The following SYT1 variants were observed in gnomAD, a reference collection of about 807,000 sequenced individuals.
The protein encoded by SYT1 is synaptotagmin 1.
SYT1 carries 8 observed loss-of-function variants against 44.8 expected under a neutral mutation model. That is an observed-to-expected ratio of 0.18 (90% confidence interval 0.10 to 0.32). The LOEUF (loss-of-function observed/expected upper bound fraction) is 0.32, where lower values mean the gene tolerates loss of function less well. Among genes scored for constraint, SYT1 ranks in the 10% least tolerant of loss-of-function variants. The pLI is 1.00. For missense variants in SYT1, 286 were observed against 509.3 expected, an observed-to-expected ratio of 0.56 and a Z score of 4.22; for synonymous variants, 154 against 188.8, an observed-to-expected ratio of 0.82 and a Z score of 1.51.
intron 3 of SYT1, among the ~76,000 whole-genome samples, chr12:79,074,505 T>G (rs1280205402): frequency 6.6e-6 from 1 of 152,186 alleles, no homozygotes; most frequent in African/African-American, 2.4e-5. Flanking sequence ...ATTAAGTCTT[T>G]TAAAAATCTA....
chr12:79,364,865 C>G (rs1186519572), intron 9 of SYT1, among the ~76,000 whole-genome samples: 1 of 152,126 alleles, frequency 6.6e-6, no homozygotes, highest in East Asian at 1.9e-4. Flanking sequence ...TGCAAGATTA[C>G]TCAGTAATCT....
chr12:79,147,740 T>C (rs1592791918), intron 3 of SYT1, among the ~76,000 whole-genome samples: 1 of 152,288 alleles, frequency 6.6e-6, no homozygotes, highest in East Asian at 1.9e-4. Context: ...AATGAGTTCA[T>C]AAAAGTCTGA....
chr12:79,050,164 T>C (rs1039453871), intron 3 of SYT1, among the ~76,000 whole-genome samples: 1 of 143,970 alleles, frequency 6.9e-6, no homozygotes, highest in Admixed American at 7.1e-5. Flanking sequence ...GTGTATTATA[T>C]ACTCTTCTTA....
At chr12:79,028,812 C>T (rs765957408) in intron 2 of SYT1, among the ~76,000 whole-genome samples, 19 of 151,182 alleles carry the variant, frequency 1.3e-4, no homozygotes, top group Non-Finnish European at 2.2e-4. Flanking sequence ...AATTTTATGC[C>T]GTTCCATAAG....
At chr12:79,161,813 T>G (rs1310581183) in intron 3 of SYT1, among the ~76,000 whole-genome samples, 1 of 152,084 alleles carries the variant, frequency 6.6e-6, no homozygotes, top group Non-Finnish European at 1.5e-5. Flanking sequence ...CCTTTAATTT[T>G]TATACATTGC....
chr12:79,164,799 A>G (rs1871143021), intron 3 of SYT1, among the ~76,000 whole-genome samples: 1 of 152,078 alleles, frequency 6.6e-6, no homozygotes, highest in Non-Finnish European at 1.5e-5. Context: ...CATTTAATAA[A>G]TAAGAAATGG....
chr12:78,974,705 G>A (rs1868688952), intron 1 of SYT1, among the ~76,000 whole-genome samples: 1 of 152,056 alleles, frequency 6.6e-6, no homozygotes, highest in Non-Finnish European at 1.5e-5. Flanking sequence ...CAAAGTGCTC[G>A]CATTACAGGC....
In SYT1 at chr12:79,273,660, C is replaced by A. The variant is rs139472439; in HGVS notation, c.167-12127C>A. On this transcript the variant is annotated intron_variant, in intron 4 of 10. Transcript: ENST00000261205. ...TGAGCAGCGAGGAGGATATGAGGAG[C>A]GGCATCAGGACACACTTTGCAGGCA... 4.6e-5 allele frequency among the ~76,000 whole-genome samples: 7 copies of A among 152,208 alleles called. 1 individual carries two copies. Among genetic ancestry groups the A allele is most frequent in the Middle Eastern group, 6.8e-3 (2 of 294 alleles).
Position 79,361,312 on chromosome 12 carries a change from C to G in SYT1, c.928+7693C>G, listed in dbSNP as rs530453231. Reference sequence around the variant, plus strand: ...AACTGAAGGACAGAGAGGTACATAACTTACCCAAGGTCACAGGATTACTAT... The same window carrying G: ...AACTGAAGGACAGAGAGGTACATAAGTTACCCAAGGTCACAGGATTACTAT... On this transcript the variant is annotated intron_variant, in intron 9 of 10. Coordinates refer to ENST00000261205, the MANE Select transcript of SYT1 (RefSeq NM_005639.3). Among the ~76,000 whole-genome samples the G allele has an allele frequency of 2.0e-5, 3 of 152,226 alleles. No homozygotes were observed. The South Asian group carries it at 6.2e-4, about 32-fold the overall frequency.
chr12:79,164,152 C>A (rs556831330), intron 3 of SYT1, among the ~76,000 whole-genome samples: 116 of 152,116 alleles, frequency 7.6e-4, no homozygotes, highest in African/African-American at 2.7e-3. Context: ...ATCGTAGGGA[C>A]AACATCAAAT....
chr12:79,007,999 A>C (rs1871199714), intron 2 of SYT1, among the ~76,000 whole-genome samples: 1 of 152,056 alleles, frequency 6.6e-6, no homozygotes, highest in South Asian at 2.1e-4. Context: ...GCCCTCAAGG[A>C]ACTTATACTC....
intron 2 of SYT1, among the ~76,000 whole-genome samples, chr12:78,989,915 T>C (rs1869904746): frequency 6.6e-6 from 1 of 152,010 alleles, no homozygotes; most frequent in South Asian, 2.1e-4. Context: ...ACTCAAGATA[T>C]CTTCATCCTC....
At chr12:79,267,407 A>T (rs1878188245) in intron 4 of SYT1, among the ~76,000 whole-genome samples, 1 of 152,202 alleles carries the variant, frequency 6.6e-6, no homozygotes, top group Non-Finnish European at 1.5e-5. Context: ...TGTTAACCAA[A>T]TTGAAAGTGT....
At chr12:79,081,383 CTTT>C (rs375161906) in intron 3 of SYT1, among the ~76,000 whole-genome samples, 10 of 141,360 alleles carry the variant, frequency 7.1e-5, no homozygotes, top group African/African-American at 1.0e-4. Context: ...CACAAATTCA[CTTT>C]TTTTTTTTTT....
chr12:79,005,795 G>A (rs1299898874), intron 2 of SYT1, among the ~76,000 whole-genome samples: 1 of 152,072 alleles, frequency 6.6e-6, no homozygotes, highest in East Asian at 1.9e-4. Flanking sequence ...GAGTTCAAAA[G>A]TAATTTCAAG....
At chr12:79,377,465 G>T (rs1347552290) in intron 9 of SYT1, among the ~76,000 whole-genome samples, 1 of 152,164 alleles carries the variant, frequency 6.6e-6, no homozygotes, top group Admixed American at 6.5e-5. Flanking sequence ...TTCTATATGT[G>T]TTGGTAATTG....
intron 1 of SYT1, among the ~76,000 whole-genome samples, chr12:78,963,177 A>G (rs1287085695): frequency 6.6e-6 from 1 of 152,048 alleles, no homozygotes; most frequent in Non-Finnish European, 1.5e-5. Context: ...AATCGCATAT[A>G]TATATATATG....
At chr12:78,921,914 G>C (rs1877028321) in intron 1 of SYT1, among the ~76,000 whole-genome samples, 1 of 151,666 alleles carries the variant, frequency 6.6e-6, no homozygotes, top group Non-Finnish European at 1.5e-5. Context: ...TTTTGTGCTG[G>C]ATGAAACCAG....
At chr12:79,409,727 G>A (rs193168908) in intron 9 of SYT1, among the ~76,000 whole-genome samples, 22 of 152,042 alleles carry the variant, frequency 1.4e-4, no homozygotes, top group Middle Eastern at 3.4e-3. Context: ...TGATTATCTC[G>A]GCTTGGCAGT....
Sources: gnomAD v4.1 joint callset for allele counts (sites outside exome capture counted in the v4.1 genomes callset) on GRCh38, gnomAD v4.1.1 for gene constraint, MANE v1.5 for transcripts, NCBI Gene and HGNC (gene_info 2026-07-23, HGNC 2026-07-21) for gene names.